PON1: variants seen among roughly 807,000 people sequenced by gnomAD.
PON1 encodes the protein paraoxonase 1.
PON1 carries 37 observed loss-of-function variants against 39.2 expected under a neutral mutation model. The observed-to-expected ratio is 0.94, with a 90% CI of 0.73 to 1.24. The LOEUF (loss-of-function observed/expected upper bound fraction) is 1.24, where lower values mean the gene tolerates loss of function less well. Ranked by LOEUF, PON1 falls within the 50% of genes most tolerant of loss-of-function variation. PON1 has a pLI of 0.00. For synonymous variants in PON1, 148 were observed against 152.2 expected (o/e 0.97, Z 0.21); for missense variants, 397 against 413.5 (o/e 0.96, Z 0.35).
intron 1 of PON1, 185 bp from the exon 2 acceptor site, chr7:95,318,578 T>C (rs1306693920): frequency 3.5e-6 from 2 of 571,312 alleles, no homozygotes; most frequent in Non-Finnish European, 6.3e-6. Flanking sequence ...GGGTACAATA[T>C]TTAGTTTTTA....
chr7:95,324,249 G>A (rs1175561893), intron 1 of PON1, among the ~76,000 whole-genome samples, 153 bp downstream of exon 1: 1 of 152,184 alleles, frequency 6.6e-6, no homozygotes, highest in African/African-American at 2.4e-5. Flanking sequence ...CATGACGGCT[G>A]GACAAACATT....
At chr7:95,321,387 C>T (rs974231831) in intron 1 of PON1, among the ~76,000 whole-genome samples, 4 of 152,164 alleles carry the variant, frequency 2.6e-5, no homozygotes, top group African/African-American at 9.7e-5. Flanking sequence ...TTAAGAAATC[C>T]GTATCGATTC....
chr7:95,311,415 G>A, intron 5 of PON1, 36 bp downstream of exon 5: 5 of 1,612,320 alleles, frequency 3.1e-6, no homozygotes, highest in Non-Finnish European at 4.2e-6. Flanking sequence ...ATCCGCTACA[G>A]CTAAAGGAAA....
At chr7:95,321,357 C>G (rs1485747461) in intron 1 of PON1, among the ~76,000 whole-genome samples, 1 of 152,190 alleles carries the variant, frequency 6.6e-6, no homozygotes, top group Non-Finnish European at 1.5e-5. Context: ...CAGAAAAAAG[C>G]AGAGATCTTT....
intron 1 of PON1, among the ~76,000 whole-genome samples, chr7:95,320,849 C>T (rs1235054988): frequency 2.0e-5 from 3 of 152,210 alleles, no homozygotes; most frequent in Non-Finnish European, 4.4e-5. Flanking sequence ...ATCTCTGATT[C>T]ACTAGACTCT....
intron 2 of PON1, among the ~76,000 whole-genome samples, chr7:95,317,661 G>C (rs1454476632): frequency 6.7e-6 from 1 of 150,240 alleles, no homozygotes; most frequent in African/African-American, 2.5e-5. Context: ...AAATAACAAA[G>C]CTGGTTGGTT....
At chr7:95,306,817 A>G (rs2269829) in intron 6 of PON1, among the ~76,000 whole-genome samples, 56,996 of 151,778 alleles carry the variant, frequency 0.38, 11,899 homozygotes, top group East Asian at 0.62. Flanking sequence ...GGCTTGGATC[A>G]AGAGAAGTCT....
At chr7:95,314,544 C>G (rs1042655549) in intron 4 of PON1, among the ~76,000 whole-genome samples, 19 of 152,128 alleles carry the variant, frequency 1.2e-4, no homozygotes, top group Admixed American at 1.0e-3. Flanking sequence ...GAGGGATCGT[C>G]TGATGATGAA....
At chr7:95,299,837 T>C (rs886984629) in intron 8 of PON1, among the ~76,000 whole-genome samples, 28 of 152,138 alleles carry the variant, frequency 1.8e-4, no homozygotes, top group Non-Finnish European at 8.8e-5. Context: ...ATTAGTTCTG[T>C]CCCTCTAGGG....
chr7:95,299,054 C>T lies in PON1; in HGVS notation c.958G>A (p.Val320Ile), dbSNP rs757274481. The change falls in exon 9 of 9, where the codon GTT (valine) becomes ATT (isoleucine). Residue 320 changes from valine (V) to isoleucine (I), a missense_variant. Val to Ile is a conservative substitution (Grantham distance 29). Coordinates refer to ENST00000222381, the MANE Select transcript of PON1 (RefSeq NM_000446.7). The stretch of plus-strand genomic sequence containing the variant: ...AACACTGTGCCATTTTCTGCATAAA[C>T]CTGTGTCACTTTAGGTTCTTCTGTT... The part of the protein sequence containing the change: ...ILTEEPKVTQ[V>I]YAENGTVLQG... 8.1e-6 allele frequency: 13 copies of T among 1,614,030 alleles called. No homozygotes were observed. The highest frequency in any genetic ancestry group is 1.0e-5 in the Non-Finnish European group (12 of 1,179,974).
At chr7:95,318,085 C>CTTTTTTTTT (rs11343146) in intron 2 of PON1, among the ~76,000 whole-genome samples, 5 of 131,172 alleles carry the variant, frequency 3.8e-5, no homozygotes, top group Non-Finnish European at 4.9e-5. Flanking sequence ...TTCTTTTTTT[C>CTTTTTTTTT]TTTTTTTTTT....
chr7:95,299,243 A>G, intron 8 of PON1, 141 bp from the exon 9 acceptor site: 2 of 778,476 alleles, frequency 2.6e-6, no homozygotes, highest in Non-Finnish European at 3.9e-6. Context: ...ATTACACTTA[A>G]CACACCTGTT....
chr7:95,316,859 C>T (rs1476498774), intron 2 of PON1, 70 bp from the exon 3 acceptor site: 1 of 1,178,994 alleles, frequency 8.5e-7, no homozygotes, highest in African/African-American at 1.5e-5. Flanking sequence ...ATTTCTTTAT[C>T]ACACCTCACT....
rs1034127954 is a variant in PON1 at position 95,299,062 on chromosome 7, A to G, written c.950T>C (p.Val317Ala). The change falls in exon 9 of 9, where the codon GTG becomes GCG. Residue 317 changes from valine to alanine, a missense_variant. Physicochemically the swap from Val to Ala is moderately conservative, Grantham distance 64 (BLOSUM62 0). Coordinates refer to ENST00000222381, the MANE Select transcript of PON1 (RefSeq NM_000446.7). The stretch of plus-strand genomic sequence containing the variant: ...GCCATTTTCTGCATAAACCTGTGTC[A>G]CTTTAGGTTCTTCTGTTAGAATGTT... ...IQNILTEEPK[V>A]TQVYAENGTV... The G allele has an allele frequency of 1.9e-6, 3 of 1,614,134 alleles. No homozygotes were observed. Among genetic ancestry groups the G allele is most frequent in the Non-Finnish European group, 2.5e-6 (3 of 1,179,970 alleles).
intron 2 of PON1, among the ~76,000 whole-genome samples, chr7:95,317,099 G>A (rs1255914652): frequency 1.3e-5 from 2 of 152,064 alleles, no homozygotes; most frequent in Non-Finnish European, 2.9e-5. Flanking sequence ...ACGTACAAAA[G>A]CCATGATTAT....
At chr7:95,301,533 C>A (rs1400498454) in intron 8 of PON1, among the ~76,000 whole-genome samples, 1 of 152,192 alleles carries the variant, frequency 6.6e-6, no homozygotes, top group Middle Eastern at 3.2e-3. Context: ...TCTCCACCCA[C>A]CACCGTCTAC....
chr7:95,309,724 G>A (rs1040855813), intron 5 of PON1, among the ~76,000 whole-genome samples: 8 of 152,026 alleles, frequency 5.3e-5, no homozygotes, highest in Non-Finnish European at 8.8e-5. Flanking sequence ...AGAATACAAT[G>A]AAATAATGAA....
intron 2 of PON1, 55 bp downstream of exon 2, chr7:95,318,268 G>C (rs1433256655): frequency 6.9e-6 from 10 of 1,454,512 alleles, no homozygotes; most frequent in East Asian, 2.3e-5. Context: ...ATCACACAAA[G>C]AGCAAAAAAA....
chr7:95,306,359 A>T lies in PON1; in HGVS notation c.706T>A (p.Tyr236Asn). ...INISPDGKYV[Y>N]IAELLAHKIH... ...TTATGAGCCAGCAACTCAGCTATAT[A>T]GACATACCTTCAAAGAAGAAAGAGC... The change falls in exon 7 of 9, where the codon TAT becomes AAT. Residue 236 changes from tyrosine (Y) to asparagine (N), a missense_variant. Physicochemically the swap from Tyr to Asn is moderately radical, Grantham distance 143 (BLOSUM62 -2). Coordinates refer to ENST00000222381, the MANE Select transcript of PON1 (RefSeq NM_000446.7). 6.2e-7 allele frequency: 1 copy of T among 1,606,782 alleles called. No individual in the cohort carries two copies. Among genetic ancestry groups the T allele is most frequent in the Non-Finnish European group, 8.5e-7 (1 of 1,173,654 alleles).
Sources: gnomAD v4.1 joint callset for allele counts (sites outside exome capture counted in the v4.1 genomes callset) on GRCh38, gnomAD v4.1.1 for gene constraint, MANE v1.5 for transcripts, NCBI Gene and HGNC (gene_info 2026-07-23, HGNC 2026-07-21) for gene names.